LRFN5: variants seen among roughly 807,000 people sequenced by gnomAD.
The protein encoded by LRFN5 is leucine-rich repeat and fibronectin type-III domain-containing protein 5.
In LRFN5, 24 loss-of-function variants were observed where a neutral mutation model predicts 45.6. That is an observed-to-expected ratio of 0.53 (90% CI 0.38 to 0.74). The LOEUF is 0.74. LRFN5 is among the 30% of genes least tolerant of loss of function. The pLI is 0.00. For missense variants in LRFN5, 776 were observed against 861.5 expected (o/e 0.90, Z 1.24); for synonymous variants, 340 against 313.8 (o/e 1.08, Z -0.88).
intron 1 of LRFN5, among the ~76,000 whole-genome samples, chr14:41,674,027 C>G: frequency 7.0e-6 from 1 of 143,862 alleles, no homozygotes; most frequent in South Asian, 2.3e-4. Flanking sequence ...GGCTGCCGGG[C>G]AGAGAGGCTC....
At chr14:41,692,150 G>T (rs1243559416) in intron 1 of LRFN5, among the ~76,000 whole-genome samples, 1 of 152,040 alleles carries the variant, frequency 6.6e-6, no homozygotes, top group Non-Finnish European at 1.5e-5. Flanking sequence ...TAAGAAACTG[G>T]TAATCATTTT....
chr14:41,624,463 A>G (rs886360131), intron 1 of LRFN5, among the ~76,000 whole-genome samples: 1 of 152,138 alleles, frequency 6.6e-6, no homozygotes, highest in East Asian at 1.9e-4. Flanking sequence ...GTTAACAGCG[A>G]AAGTAGCATA....
In LRFN5 at chr14:41,722,688, A is replaced by G. The variant is rs139842461; in HGVS notation, c.-196-44166A>G. Among the ~76,000 whole-genome samples, 177 of 151,176 alleles carry G rather than the reference A, an allele frequency of 1.2e-3. 5 individuals carry two copies. In the East Asian group the frequency reaches 0.031, roughly 26 times the overall value. On this transcript the variant is annotated intron_variant, in intron 1 of 5. Coordinates refer to ENST00000298119, the MANE Select transcript of LRFN5 (RefSeq NM_152447.5). ...AGCCCTATGCATTTCAGCAGATTTT[A>G]TATTGGGCTGTGCAGTTCATCCTAC...
intron 5 of LRFN5, among the ~76,000 whole-genome samples, chr14:41,901,811 A>G (rs1204952969): frequency 6.6e-6 from 1 of 152,036 alleles, no homozygotes; most frequent in African/African-American, 2.4e-5. Flanking sequence ...AGTGTGATCA[A>G]TGTAAAATAT....
intron 2 of LRFN5, among the ~76,000 whole-genome samples, chr14:41,779,110 T>C (rs911425817): frequency 6.6e-6 from 1 of 151,810 alleles, no homozygotes; most frequent in Non-Finnish European, 1.5e-5. Flanking sequence ...AGTTTCACAT[T>C]ATAGGGTATA....
chr14:41,862,188 T>C (rs1386341305), intron 2 of LRFN5, among the ~76,000 whole-genome samples: 1 of 152,208 alleles, frequency 6.6e-6, no homozygotes, highest in Non-Finnish European at 1.5e-5. Flanking sequence ...TAGGTAGTTC[T>C]TTATAGCAGT....
intron 1 of LRFN5, chr14:41,731,839 T>C (rs961415339): frequency 5.3e-5 from 8 of 152,192 alleles, no homozygotes; most frequent in Non-Finnish European, 7.3e-5. Flanking sequence ...ATATTCCAAA[T>C]TGGTGGTGCA....
intron 2 of LRFN5, among the ~76,000 whole-genome samples, chr14:41,877,703 T>C (rs1394944363): frequency 6.6e-6 from 1 of 151,972 alleles, no homozygotes; most frequent in Non-Finnish European, 1.5e-5. Context: ...AGAAACCCAT[T>C]AGGACTATGC....
chr14:41,815,194 T>G (rs575563045), intron 2 of LRFN5, among the ~76,000 whole-genome samples: 41 of 152,206 alleles, frequency 2.7e-4, no homozygotes, highest in African/African-American at 8.7e-4. Flanking sequence ...ATCCTATCAG[T>G]TTTTGTTTCT....
At chr14:41,701,187 CT>C (rs1461751841) in intron 1 of LRFN5, 1 of 152,064 alleles carries the variant, frequency 6.6e-6, no homozygotes, top group African/African-American at 2.4e-5. Flanking sequence ...AACTATGAGT[CT>C]GCTAAAGGGA....
intron 2 of LRFN5, among the ~76,000 whole-genome samples, chr14:41,866,675 G>T (rs1329657580): frequency 2.0e-5 from 3 of 151,966 alleles, no homozygotes; most frequent in Admixed American, 1.3e-4. Flanking sequence ...TTTTTGTTTG[G>T]TTTTTATCTT....
At chr14:41,730,839 A>C (rs1169398313) in intron 1 of LRFN5, among the ~76,000 whole-genome samples, 1 of 151,934 alleles carries the variant, frequency 6.6e-6, no homozygotes, top group Non-Finnish European at 1.5e-5. Context: ...TAAAAAAAAA[A>C]TAGAGAATTT....
At chr14:41,794,070 G>C (rs192582417) in intron 2 of LRFN5, among the ~76,000 whole-genome samples, 1 of 151,540 alleles carries the variant, frequency 6.6e-6, no homozygotes, top group Non-Finnish European at 1.5e-5. Flanking sequence ...CAGTGCTTTG[G>C]TTCTGCCCAT....
intron 2 of LRFN5, among the ~76,000 whole-genome samples, chr14:41,772,135 T>TAA (rs1886112763): frequency 6.6e-6 from 1 of 152,038 alleles, no homozygotes; most frequent in Admixed American, 6.6e-5. Flanking sequence ...AGATGATACA[T>TAA]CTTTTCAAAC....
chr14:41,735,922 A>G (rs1224974965), intron 1 of LRFN5, among the ~76,000 whole-genome samples: 1 of 152,126 alleles, frequency 6.6e-6, no homozygotes, highest in Non-Finnish European at 1.5e-5. Context: ...ATGTCTCTGA[A>G]AAGGACATGA....
chr14:41,851,089 A>G (rs1197996106), intron 2 of LRFN5, among the ~76,000 whole-genome samples: 1 of 151,742 alleles, frequency 6.6e-6, no homozygotes, highest in African/African-American at 2.4e-5. Context: ...TTTCAAATAG[A>G]TAACAGTTTC....
chr14:41,900,826 T>A (rs1891079817), intron 5 of LRFN5, among the ~76,000 whole-genome samples: 1 of 152,074 alleles, frequency 6.6e-6, no homozygotes, highest in South Asian at 2.1e-4. Flanking sequence ...CTGAAGACAG[T>A]GTGTGACCTG....
rs527587848 is a variant in LRFN5 at position 41,656,136 on chromosome 14, C to G, written c.-197+47574C>G. 3.3e-5 allele frequency among the ~76,000 whole-genome samples: 5 copies of G among 152,024 alleles called. 1 individual carries two copies. Among genetic ancestry groups the G allele is most frequent in the African/African-American group, 1.2e-4 (5 of 41,510 alleles). ...CTTGGACTGAAATTGGCATATAGTT[C>G]ACTTACTGCGTAGCTATGGGCAAAT... On this transcript the variant is annotated intron_variant, in intron 1 of 5. Transcript: ENST00000298119.
intron 1 of LRFN5, among the ~76,000 whole-genome samples, chr14:41,672,557 A>G (rs1369227221): frequency 6.6e-5 from 10 of 152,198 alleles, no homozygotes; most frequent in East Asian, 1.9e-4. Context: ...GAAGTAGACT[A>G]TTAGAATCAA....
Sources: gnomAD v4.1 joint callset for allele counts (sites outside exome capture counted in the v4.1 genomes callset) on GRCh38, gnomAD v4.1.1 for gene constraint, MANE v1.5 for transcripts, NCBI Gene and HGNC (gene_info 2026-07-23, HGNC 2026-07-21) for gene names.